RASA1: variants seen among roughly 807,000 people sequenced by gnomAD.
RASA1 encodes the protein RAS p21 protein activator 1, also known as ras GTPase-activating protein 1.
In RASA1, 25 loss-of-function variants were observed where a neutral mutation model predicts 132.2. The ratio of observed to expected loss-of-function variants is 0.19; its 90% confidence interval spans 0.14 to 0.26. The LOEUF is 0.26. RASA1 is among the 10% of genes least tolerant of loss of function. RASA1 has a pLI of 1.00. For synonymous variants in RASA1, 477 were observed against 449.9 expected, an observed-to-expected ratio of 1.06 and a Z score of -0.76; for missense variants, 964 against 1,299.2, an observed-to-expected ratio of 0.74 and a Z score of 3.97.
At chr5:87,371,782 T>G (rs1347311674) in intron 12 of RASA1, among the ~76,000 whole-genome samples, 1 of 152,150 alleles carries the variant, frequency 6.6e-6, no homozygotes, top group Admixed American at 6.6e-5. Context: ...ATTATACAGT[T>G]AATTTCCCCA....
chr5:87,315,563 AT>A (rs1756263572), intron 1 of RASA1, among the ~76,000 whole-genome samples: 1 of 152,214 alleles, frequency 6.6e-6, no homozygotes, highest in African/African-American at 2.4e-5. Context: ...TTTTAAAAAA[AT>A]CTTGTGTTTT....
At chr5:87,327,840 C>G (rs909491106) in intron 1 of RASA1, among the ~76,000 whole-genome samples, 1 of 151,992 alleles carries the variant, frequency 6.6e-6, no homozygotes, top group Admixed American at 6.5e-5. Context: ...TGGCACACAC[C>G]TGTAATCCCA....
At chr5:87,322,313 A>C (rs893554000) in intron 1 of RASA1, among the ~76,000 whole-genome samples, 1 of 152,212 alleles carries the variant, frequency 6.6e-6, no homozygotes, top group Non-Finnish European at 1.5e-5. Flanking sequence ...CAGCAGCAGC[A>C]TTAGATTTTC....
At chr5:87,385,105 T>C (rs890771949) in intron 21 of RASA1, among the ~76,000 whole-genome samples, 196 bp from the exon 22 acceptor site, 1 of 152,170 alleles carries the variant, frequency 6.6e-6, no homozygotes, top group Non-Finnish European at 1.5e-5. Flanking sequence ...ACTTTTTCTC[T>C]TTTAATTCAA....
intron 1 of RASA1, among the ~76,000 whole-genome samples, chr5:87,317,838 G>T (rs1259119059): frequency 3.3e-5 from 5 of 152,002 alleles, no homozygotes; most frequent in Admixed American, 1.3e-4. Flanking sequence ...GTTTTGCCAT[G>T]TTGCCCAGGC....
At chr5:87,373,189 A>G (rs1369558196) in intron 13 of RASA1, among the ~76,000 whole-genome samples, 1 of 152,162 alleles carries the variant, frequency 6.6e-6, no homozygotes, top group African/African-American at 2.4e-5. Flanking sequence ...TGATTTACAT[A>G]TACTGTCAGC....
chr5:87,365,541 G>A (rs145918290), intron 11 of RASA1, among the ~76,000 whole-genome samples: 121 of 151,878 alleles, frequency 8.0e-4, no homozygotes, highest in African/African-American at 2.4e-3. Flanking sequence ...TTTAATTATC[G>A]TAAAATATAT....
intron 15 of RASA1, among the ~76,000 whole-genome samples, chr5:87,375,986 A>T (rs1191644055): frequency 6.6e-6 from 1 of 152,002 alleles, no homozygotes; most frequent in Non-Finnish European, 1.5e-5. Flanking sequence ...TCTTAGCTAC[A>T]CCTCTAGATC....
At chr5:87,290,084 T>A (rs946245016) in intron 1 of RASA1, among the ~76,000 whole-genome samples, 1 of 152,242 alleles carries the variant, frequency 6.6e-6, no homozygotes, top group Non-Finnish European at 1.5e-5. Context: ...TATTTAATGA[T>A]GTTTCTTGAC....
chr5:87,278,636 G>A (rs904701007), intron 1 of RASA1, among the ~76,000 whole-genome samples: 5 of 152,148 alleles, frequency 3.3e-5, no homozygotes, highest in Admixed American at 6.5e-5. Context: ...CTATAGTGCA[G>A]TATCAAAACC....
chr5:87,283,369 A>G (rs1408328239), intron 1 of RASA1, among the ~76,000 whole-genome samples: 1 of 151,672 alleles, frequency 6.6e-6, no homozygotes, highest in Non-Finnish European at 1.5e-5. Context: ...TTCTCATCCA[A>G]GTTGTGACTT....
At chr5:87,326,545 A>T (rs1757243860) in intron 1 of RASA1, among the ~76,000 whole-genome samples, 1 of 152,186 alleles carries the variant, frequency 6.6e-6, no homozygotes, top group African/African-American at 2.4e-5. Context: ...TCTTCCTTAG[A>T]GAGGCAAAGA....
At chr5:87,333,152 ATGAT>A in intron 3 of RASA1, 111 bp from the exon 4 acceptor site, 2 of 1,439,078 alleles carry the variant, frequency 1.4e-6, no homozygotes, top group East Asian at 5.0e-5. Context: ...ATTTATTTGA[ATGAT>A]CCCATGGAGT....
At chr5:87,291,167 C>G (rs1439782665) in intron 1 of RASA1, among the ~76,000 whole-genome samples, 1 of 152,078 alleles carries the variant, frequency 6.6e-6, no homozygotes, top group African/African-American at 2.4e-5. Context: ...ATAGTGATAT[C>G]TTGTTTGAAT....
chr5:87,271,186 C>T (rs113615243), intron 1 of RASA1, among the ~76,000 whole-genome samples: 4,851 of 152,028 alleles, frequency 0.032, 163 homozygotes, highest in African/African-American at 0.074. Flanking sequence ...TGCAGTGAGC[C>T]GAGATCCTGC....
rs201933744 is a variant in RASA1, at chr5:87,379,944, ATAT to A, written c.2603+101_2603+103del. On this transcript the variant is annotated intron_variant, in intron 19 of 24. Coordinates refer to ENST00000274376, the MANE Select transcript of RASA1 (RefSeq NM_002890.3). ...ACGTGAAAGCTTTTCTGTTGTCCTA[ATAT>A]TATTATACTCTGAAAAAGTCATGGT... 87 of 1,237,294 alleles carry A rather than the reference ATAT, an allele frequency of 7.0e-5. 1 individual carries two copies. The East Asian group carries it at 2.0e-3, about 29-fold the overall frequency. The allele number at this position is 1,237,294 out of a possible 1,614,324, so 76.6% of individuals were successfully genotyped here. A position where few individuals can be genotyped will look rare whatever the true frequency, so the allele number is the denominator to read the frequency against.
At chr5:87,278,988 A>G (rs542085982) in intron 1 of RASA1, among the ~76,000 whole-genome samples, 41 of 129,600 alleles carry the variant, frequency 3.2e-4, no homozygotes, top group Non-Finnish European at 6.0e-4. Flanking sequence ...TCATTCCTGT[A>G]ATCTCAGCAC....
chr5:87,285,618 CTT>C (rs548410947), intron 1 of RASA1, among the ~76,000 whole-genome samples: 20 of 126,034 alleles, frequency 1.6e-4, no homozygotes, highest in Non-Finnish European at 2.4e-4. Context: ...TTTTCTTTTT[CTT>C]TTTTTTTTTT....
At chr5:87,322,204 A>G (rs949432702) in intron 1 of RASA1, among the ~76,000 whole-genome samples, 5 of 152,210 alleles carry the variant, frequency 3.3e-5, no homozygotes, top group African/African-American at 9.6e-5. Flanking sequence ...GTACCTGTCT[A>G]TGGCCTGTTA....
Sources: gnomAD v4.1 joint callset for allele counts (sites outside exome capture counted in the v4.1 genomes callset) on GRCh38, gnomAD v4.1.1 for gene constraint, MANE v1.5 for transcripts, NCBI Gene and HGNC (gene_info 2026-07-23, HGNC 2026-07-21) for gene names.